The following CES4A variants were observed in gnomAD, a reference collection of about 807,000 sequenced individuals.
CES4A encodes the protein carboxylesterase 4A, also known as carboxylesterase 6.
Under a neutral mutation model 65.4 loss-of-function variants are expected in CES4A, and 48 were observed. The ratio of observed to expected loss-of-function variants is 0.73; its 90% CI spans 0.58 to 0.93. The LOEUF (loss-of-function observed/expected upper bound fraction) is 0.93, where lower values mean the gene tolerates loss of function less well. Among genes scored for constraint, CES4A ranks in the 40% least tolerant of loss-of-function variants. The pLI is 0.00. For missense variants in CES4A, 685 were observed against 728.5 expected, an observed-to-expected ratio of 0.94 and a Z score of 0.69; for synonymous variants, 247 against 281.8, an observed-to-expected ratio of 0.88 and a Z score of 1.24.
intron 1 of CES4A, among the ~76,000 whole-genome samples, chr16:66,993,824 G>A (rs968215944): frequency 1.3e-5 from 2 of 152,116 alleles, no homozygotes; most frequent in Non-Finnish European, 2.9e-5. Flanking sequence ...GGCGTAGGCC[G>A]GGCGCGGTGG....
intron 1 of CES4A, among the ~76,000 whole-genome samples, chr16:66,994,541 G>A (rs1240021652): frequency 6.6e-6 from 1 of 150,482 alleles, no homozygotes; most frequent in Non-Finnish European, 1.5e-5. Flanking sequence ...TACTGATAGG[G>A]ATTTGAAATG....
intron 2 of CES4A, chr16:66,996,170 G>A: frequency 2.4e-6 from 1 of 424,020 alleles, no homozygotes; most frequent in South Asian, 1.9e-5. Context: ...CTGAGTATCT[G>A]GGGCTACAGG....
intron 1 of CES4A, among the ~76,000 whole-genome samples, chr16:66,990,557 C>A (rs2145568714): frequency 6.6e-6 from 1 of 152,004 alleles, no homozygotes. Flanking sequence ...ATTAGCCAAG[C>A]ATGGTGTGGT....
downstream of CES4A, among the ~76,000 whole-genome samples, chr16:67,010,205 A>G (rs919218900): frequency 4.6e-5 from 7 of 151,240 alleles, no homozygotes; most frequent in Admixed American, 3.3e-4. Flanking sequence ...AGCTGAGATT[A>G]CAGATGCCCA....
chr16:67,008,067 G>A (rs1965909593), intron 13 of CES4A: 1 of 152,064 alleles, frequency 6.6e-6, no homozygotes, highest in Non-Finnish European at 1.5e-5. Context: ...TTACAGGTGT[G>A]AGCCACCACG....
chr16:66,999,029 C>T (rs1313932741), intron 2 of CES4A, among the ~76,000 whole-genome samples: 1 of 152,220 alleles, frequency 6.6e-6, no homozygotes, highest in African/African-American at 2.4e-5. Flanking sequence ...GAAGCCTTGG[C>T]TGTTCATAAT....
At chr16:66,993,994 G>A (rs916916300) in intron 1 of CES4A, among the ~76,000 whole-genome samples, 9 of 151,306 alleles carry the variant, frequency 5.9e-5, no homozygotes, top group Admixed American at 2.6e-4. Context: ...CCAGCTACTC[G>A]GGAGGCTGAG....
At chr16:66,995,524 C>A in intron 1 of CES4A, 104 bp from the exon 2 acceptor site, 2 of 963,568 alleles carry the variant, frequency 2.1e-6, no homozygotes, top group Non-Finnish European at 3.3e-6. Flanking sequence ...TTTCCCCTCT[C>A]TTTCCAGGTG....
chr16:66,994,390 A>G (rs1038225331), intron 1 of CES4A, among the ~76,000 whole-genome samples: 9 of 149,410 alleles, frequency 6.0e-5, no homozygotes, highest in African/African-American at 2.2e-4. Context: ...GTGTGTCACC[A>G]CGCCCAGCTA....
At position 67,003,834 on chromosome 16, in the gene CES4A, T is replaced by C. The variant is rs1965537717; in HGVS notation, c.940-250T>C. Reference sequence around the variant, plus strand: ...GAACAGGACTCAGTGAAGTGAAATTTAGCAAAGATTTTCAAGAGGTGAAGG... The same window carrying C: ...GAACAGGACTCAGTGAAGTGAAATTCAGCAAAGATTTTCAAGAGGTGAAGG... On this transcript the variant is annotated intron_variant, in intron 8 of 13. Transcript: ENST00000648724. The surrounding 1 kb of genome is among the most constrained non-coding windows in gnomAD (Gnocchi z 4.2). 6.6e-6 allele frequency among the ~76,000 whole-genome samples: 1 copy of C among 152,152 alleles called. No homozygotes were observed. The highest frequency in any genetic ancestry group is 2.4e-5 in the African/African-American group (1 of 41,424).
In CES4A at chr16:66,995,619, T is replaced by C. The variant is rs1339058249; in HGVS notation, c.59-9T>C. The C allele has an allele frequency of 6.2e-7, 1 of 1,613,534 alleles. No homozygotes were observed. The stretch of plus-strand genomic sequence containing the variant: ...GAGCAGAGGTGACCCTTTTCCCTTC[T>C]CTTCCCAGGTGCCTTGCACACCAAG... On this transcript the variant is annotated splice_polypyrimidine_tract_variant and intron_variant, in intron 1 of 13. Coordinates refer to ENST00000648724, the Ensembl canonical transcript of CES4A.
chr16:67,002,970 C>A (rs1317875499), intron 5 of CES4A, 100 bp from the exon 6 acceptor site: 2 of 993,762 alleles, frequency 2.0e-6, no homozygotes, highest in East Asian at 2.4e-5. Context: ...CCCTTCCTGG[C>A]TTCACTCAGG....
intron 13 of CES4A, 111 bp downstream of exon 13, chr16:67,006,928 C>T (rs891594670): frequency 1.5e-4 from 153 of 1,002,004 alleles, no homozygotes; most frequent in Admixed American, 3.0e-4. Context: ...ACTGCCCAGT[C>T]GGCCCAAACA....
chr16:66,996,355 G>A (rs1451335710), intron 2 of CES4A, among the ~76,000 whole-genome samples: 1 of 152,076 alleles, frequency 6.6e-6, no homozygotes, highest in Non-Finnish European at 1.5e-5. Context: ...TTTCTTAGAG[G>A]AGAGCTCCAG....
intron 13 of CES4A, 139 bp from the exon 14 acceptor site, chr16:67,008,835 T>C: frequency 1.2e-6 from 1 of 830,730 alleles, no homozygotes; most frequent in Non-Finnish European, 1.9e-6. Context: ...TCCTACTCTT[T>C]ATTAAAGTTC....
intron 1 of CES4A, among the ~76,000 whole-genome samples, chr16:66,990,098 T>G (rs2145566801): frequency 6.9e-6 from 1 of 144,874 alleles, no homozygotes; most frequent in Middle Eastern, 3.6e-3. Context: ...TCACCCAGAC[T>G]GGTGTGCAAT....
At position 67,001,084 on chromosome 16, in the gene CES4A, G is replaced by A. The variant is rs1468037921; in HGVS notation, c.536+94G>A. On this transcript the variant is annotated intron_variant, in intron 4 of 13. Transcript: ENST00000648724. This position sits in a 1 kb window ranked among gnomAD's most constrained non-coding sequence, Gnocchi z 4.1. ...GGGCGGGGCCTGGGGCGGGGATGGG[G>A]GGGGTGGGGCCGCGAGGCGGGGGCG... 22 of 1,100,960 alleles carry A rather than the reference G, an allele frequency of 2.0e-5. 1 individual carries two copies. The South Asian group carries it at 3.2e-4, about 16-fold the overall frequency. 68.2% of individuals were successfully genotyped at this position (1,100,960 alleles called of 1,614,324 possible).
At chr16:67,007,952 T>C (rs1052002640) in intron 13 of CES4A, 2 of 152,122 alleles carry the variant, frequency 1.3e-5, no homozygotes, top group Non-Finnish European at 2.9e-5. Context: ...GCCTGGCTAA[T>C]TTTTTTGTAT....
intron 13 of CES4A, 123 bp downstream of exon 13, chr16:67,006,940 G>A: frequency 3.6e-6 from 3 of 827,102 alleles, no homozygotes; most frequent in South Asian, 3.4e-5. Flanking sequence ...GCCCAAACAG[G>A]GTGCCCCTTC....
Sources: allele counts gnomAD v4.1 joint callset (sites outside exome capture counted in the v4.1 genomes callset), GRCh38; gene constraint gnomAD v4.1.1; non-coding constraint Gnocchi (gnomAD v3.1); transcripts MANE v1.5; gene names NCBI Gene and HGNC (gene_info 2026-07-23, HGNC 2026-07-21).